Variants in DOK6 observed in about 807,000 individuals in gnomAD.
DOK6 encodes the protein docking protein 6.
In DOK6, 22 loss-of-function variants were observed where a neutral mutation model predicts 44.0. The ratio of observed to expected loss-of-function variants is 0.50; its 90% CI spans 0.36 to 0.71. DOK6 has a LOEUF of 0.71. DOK6 is among the 30% of genes least tolerant of loss of function. The probability of loss-of-function intolerance (pLI) is 0.00; values close to 1 mark genes in which losing one functional copy is unlikely to be tolerated. For synonymous variants in DOK6, 166 were observed against 145.5 expected (o/e 1.14, Z -1.01); for missense variants, 340 against 416.4 (o/e 0.82, Z 1.60).
intron 2 of DOK6, among the ~76,000 whole-genome samples, chr18:69,592,148 T>G (rs1232540946): frequency 6.6e-6 from 1 of 151,896 alleles, no homozygotes; most frequent in African/African-American, 2.4e-5. Flanking sequence ...CTAATATCTC[T>G]TATAGAAATC....
At chr18:69,588,774 A>G (rs576578082) in intron 2 of DOK6, among the ~76,000 whole-genome samples, 6 of 152,092 alleles carry the variant, frequency 3.9e-5, no homozygotes, top group Non-Finnish European at 8.8e-5. Flanking sequence ...ATTATAGTTA[A>G]TTTTAATTCT....
At chr18:69,435,507 C>T (rs1029148679) in intron 1 of DOK6, among the ~76,000 whole-genome samples, 1 of 152,050 alleles carries the variant, frequency 6.6e-6, no homozygotes, top group African/African-American at 2.4e-5. Flanking sequence ...AGACAGAAAG[C>T]GGCCTTTTCA....
chr18:69,822,769 T>G (rs1981614096), intron 7 of DOK6, among the ~76,000 whole-genome samples: 1 of 152,224 alleles, frequency 6.6e-6, no homozygotes, highest in African/African-American at 2.4e-5. Flanking sequence ...AACGTTCATT[T>G]TCTCACTAAA....
At chr18:69,758,364 C>G (rs1217364329) in intron 7 of DOK6, among the ~76,000 whole-genome samples, 1 of 152,114 alleles carries the variant, frequency 6.6e-6, no homozygotes, top group African/African-American at 2.4e-5. Context: ...GGAAAGGGTG[C>G]AGGGTAGAAG....
At chr18:69,761,550 T>C (rs1245936149) in intron 7 of DOK6, among the ~76,000 whole-genome samples, 2 of 152,138 alleles carry the variant, frequency 1.3e-5, no homozygotes, top group Non-Finnish European at 2.9e-5. Context: ...CTGTTTTCTG[T>C]AACTGCTTCC....
rs1035549880 is a variant in DOK6 at position 69,529,458 on chromosome 18, T to C, written c.67-35029T>C. Among the ~76,000 whole-genome samples the C allele has an allele frequency of 2.0e-4, 31 of 152,330 alleles. No homozygotes were observed. In the East Asian group the frequency reaches 5.4e-3, roughly 27 times the overall value. Reference sequence around the variant, plus strand: ...TCCTGTCTGCAACCTCCGCAATCTTTATTTATTTGTGCATTTAATGTTTAT... The same window carrying C: ...TCCTGTCTGCAACCTCCGCAATCTTCATTTATTTGTGCATTTAATGTTTAT... On this transcript the variant is annotated intron_variant, in intron 1 of 7. Coordinates refer to ENST00000382713, the MANE Select transcript of DOK6 (RefSeq NM_152721.6).
At position 69,719,168 on chromosome 18, in the gene DOK6, C is replaced by G. The variant is rs115153975; in HGVS notation, c.600-19797C>G. Among the ~76,000 whole-genome samples, 904 of 152,270 alleles carry G rather than the reference C, an allele frequency of 5.9e-3. 10 individuals carry two copies. The highest frequency in any genetic ancestry group is 0.021 in the African/African-American group (882 of 41,546). ...GAAGGACAGGAGATGTTTCTCAAAC[C>G]TGCCTCTCCAAGAGTTCCGAAGCTA... On this transcript the variant is annotated intron_variant, in intron 5 of 7. Transcript: ENST00000382713.
intron 1 of DOK6, among the ~76,000 whole-genome samples, chr18:69,492,497 C>T (rs534780867): frequency 2.0e-4 from 30 of 151,944 alleles, no homozygotes; most frequent in African/African-American, 4.3e-4. Context: ...TTGCCTGTCA[C>T]GGGAGTTTGA....
intron 4 of DOK6, among the ~76,000 whole-genome samples, chr18:69,690,399 T>C (rs1449841741): frequency 6.6e-6 from 1 of 152,190 alleles, no homozygotes; most frequent in African/African-American, 2.4e-5. Flanking sequence ...GCATAAATCA[T>C]GTTTTGTTTA....
intron 1 of DOK6, among the ~76,000 whole-genome samples, chr18:69,474,388 T>G (rs73468818): frequency 0.011 from 1,676 of 152,294 alleles, 36 homozygotes; most frequent in African/African-American, 0.039. Context: ...TTTGAAAGAT[T>G]GAATGACTCT....
chr18:69,600,685 T>C (rs1366907297), intron 3 of DOK6, among the ~76,000 whole-genome samples: 1 of 152,132 alleles, frequency 6.6e-6, no homozygotes, highest in African/African-American at 2.4e-5. Flanking sequence ...AAAAAAAAAC[T>C]AAAAGGTAAT....
intron 3 of DOK6, among the ~76,000 whole-genome samples, chr18:69,656,662 C>T (rs1985376276): frequency 6.6e-6 from 1 of 151,970 alleles, no homozygotes; most frequent in Non-Finnish European, 1.5e-5. Context: ...AAACAACAGA[C>T]TTAAAACAAA....
chr18:69,467,123 T>C (rs1282802017), intron 1 of DOK6, among the ~76,000 whole-genome samples: 1 of 152,138 alleles, frequency 6.6e-6, no homozygotes, highest in Non-Finnish European at 1.5e-5. Context: ...AGGCAAACTA[T>C]TAGCCACTGC....
chr18:69,538,496 C>T (rs970595660), intron 1 of DOK6, among the ~76,000 whole-genome samples: 8 of 152,054 alleles, frequency 5.3e-5, no homozygotes. Flanking sequence ...GATCCTCTAC[C>T]TCAGCCTCCA....
intron 1 of DOK6, among the ~76,000 whole-genome samples, chr18:69,500,038 C>T (rs1981003629): frequency 6.6e-6 from 1 of 152,144 alleles, no homozygotes; most frequent in Non-Finnish European, 1.5e-5. Context: ...GACTTCCTGG[C>T]TTCCCTTTAC....
At chr18:69,410,009 GT>G (rs36086166) in intron 1 of DOK6, among the ~76,000 whole-genome samples, 8,564 of 152,198 alleles carry the variant, frequency 0.056, 275 homozygotes, top group Middle Eastern at 0.12. Context: ...GAATCCTTAA[GT>G]TTTAGCTATA....
chr18:69,471,373 A>T (rs1213205559), intron 1 of DOK6, among the ~76,000 whole-genome samples: 1 of 148,714 alleles, frequency 6.7e-6, no homozygotes, highest in Non-Finnish European at 1.5e-5. Flanking sequence ...TTCGGAGGTT[A>T]GGGAAACACT....
chr18:69,597,069 AATT>A lies in DOK6; in HGVS notation c.175-2313_175-2311del, dbSNP rs560172199. Among the ~76,000 whole-genome samples the A allele has an allele frequency of 7.8e-4, 119 of 152,040 alleles. 1 individual carries two copies. Among genetic ancestry groups the A allele is most frequent in the Admixed American group, 2.6e-3 (39 of 15,264 alleles). Reference sequence around the variant, plus strand: ...TCTTTAAAAGATATAAAATTATATAAATTAATTAAAATTATAAATATGATGTAA... The same window carrying A: ...TCTTTAAAAGATATAAAATTATATAAAATTAAAATTATAAATATGATGTAA... On this transcript the variant is annotated intron_variant, in intron 2 of 7. Transcript: ENST00000382713.
chr18:69,456,988 G>A (rs1979649870), intron 1 of DOK6, among the ~76,000 whole-genome samples: 1 of 151,994 alleles, frequency 6.6e-6, no homozygotes, highest in Non-Finnish European at 1.5e-5. Context: ...CATTTTTAAT[G>A]GGGTTATTTG....
Sources: gnomAD v4.1 joint callset for allele counts (sites outside exome capture counted in the v4.1 genomes callset) on GRCh38, gnomAD v4.1.1 for gene constraint, MANE v1.5 for transcripts, NCBI Gene and HGNC (gene_info 2026-07-23, HGNC 2026-07-21) for gene names.